The following TLR7 variants were observed in gnomAD, a reference collection of about 807,000 sequenced individuals.
TLR7 encodes the protein toll like receptor 7.
A neutral mutation model predicts 38.3 loss-of-function variants in TLR7; 12 were observed. The ratio of observed to expected loss-of-function variants is 0.31; its 90% confidence interval spans 0.20 to 0.51. The LOEUF (loss-of-function observed/expected upper bound fraction) is 0.51. TLR7 is among the 20% of genes least tolerant of loss of function. The pLI is 0.98. For missense variants in TLR7, 504 were observed against 743.4 expected (o/e 0.68, Z 3.74); for synonymous variants, 285 against 293.8 (o/e 0.97, Z 0.31).
rs781486181 is a variant in TLR7, at chrX:12,885,527, A to C, written c.19A>C (p.Thr7Pro). MVFPMW[T>P]LKRQILILFN... is the part of the protein sequence containing the mutation. ...ATACTTTCAGGTGTTTCCAATGTGG[A>C]CACTGAAGAGACAAATTCTTATCCT... The change falls in exon 3 of 3, where the codon ACA becomes CCA. Residue 7 changes from threonine (T) to proline (P), a missense_variant. Transcript: ENST00000380659. 1.3e-5 allele frequency: 16 copies of C among 1,199,690 alleles called. No homozygotes were observed. The highest frequency in any genetic ancestry group is 1.8e-5 in the Non-Finnish European group (16 of 886,183).
rs200048239 is a variant in TLR7, at chrX:12,885,949, G to T, written c.441G>T (p.Pro147=). Residue 147 remains proline, a synonymous_variant, in exon 3 of 3, where the codon CCG becomes CCT. Coordinates refer to ENST00000380659, the MANE Select transcript of TLR7 (RefSeq NM_016562.4). ...TACTAGAGATACCGCAGGGCCTCCCGCCTAGCTTACAGCTTCTCAGCCTTG... is the reference window on the plus strand; with the variant it reads ...TACTAGAGATACCGCAGGGCCTCCCTCCTAGCTTACAGCTTCTCAGCCTTG... ...NQLLEIPQGL[P]PSLQLLSLEA... 16 of 1,210,226 alleles carry T rather than the reference G, an allele frequency of 1.3e-5. No homozygotes were observed. In the African/African-American group the frequency reaches 2.3e-4, roughly 17 times the overall value.
At chrX:12,883,211 C>G (rs1431327846) in intron 2 of TLR7, among the ~76,000 whole-genome samples, 1 of 112,362 alleles carries the variant, frequency 8.9e-6, no homozygotes, top group Non-Finnish European at 1.9e-5. Flanking sequence ...AAGACTGGTG[C>G]TCTAGAAAGA....
At chrX:12,871,813 A>G (rs923165442) in intron 2 of TLR7, among the ~76,000 whole-genome samples, 1 of 111,437 alleles carries the variant, frequency 9.0e-6, no homozygotes, top group Non-Finnish European at 1.9e-5. Context: ...TAGAGTCAGG[A>G]GAGCAGGAAA....
chrX:12,888,962 A>T lies in TLR7; in HGVS notation c.*304A>T, dbSNP rs2147246504. Reference sequence around the variant, plus strand: ...TGATTCTCCTGTAATTGTGATAATTAAATATACACACAATCATGACATTGA... The same window carrying T: ...TGATTCTCCTGTAATTGTGATAATTTAATATACACACAATCATGACATTGA... On this transcript the variant is annotated 3_prime_UTR_variant, in exon 3 of 3. Coordinates refer to ENST00000380659, the MANE Select transcript of TLR7 (RefSeq NM_016562.4). The T allele has an allele frequency of 4.3e-6, 1 of 232,220 alleles. No individual in the cohort carries two copies. Among genetic ancestry groups the T allele is most frequent in the African/African-American group, 2.9e-5 (1 of 34,871 alleles). 19.1% of individuals were successfully genotyped at this position (232,220 alleles called of 1,213,427 possible).
Position 12,885,643 on chromosome X carries a change from C to T in TLR7, c.135C>T (p.Asn45=). ...PCDVTLDVPK[N]HVIVDCTDKH... Reference sequence around the variant, plus strand: ...ATGTCACTCTGGATGTTCCAAAGAACCATGTGATCGTGGACTGCACAGACA... The same window carrying T: ...ATGTCACTCTGGATGTTCCAAAGAATCATGTGATCGTGGACTGCACAGACA... The change falls in exon 3 of 3, where the codon AAC becomes AAT. Residue 45 remains asparagine (N), a synonymous_variant. Transcript: ENST00000380659. 2.5e-6 allele frequency: 3 copies of T among 1,211,943 alleles called. No homozygotes were observed. Among genetic ancestry groups the T allele is most frequent in the Non-Finnish European group, 3.3e-6 (3 of 895,592 alleles).
In TLR7 at chrX:12,886,660, G is replaced by C; in HGVS notation, c.1152G>C (p.Glu384Asp). The change falls in exon 3 of 3, where the codon GAG becomes GAC. Residue 384 changes from glutamate (E) to aspartate (D), a missense_variant. Physicochemically the swap from Glu to Asp is conservative, Grantham distance 45. Coordinates refer to ENST00000380659, the MANE Select transcript of TLR7 (RefSeq NM_016562.4). ...ILRIRGYVFKELKSFNLSPLH... is the reference protein window; with the variant it reads ...ILRIRGYVFKDLKSFNLSPLH... ...GGATCAGAGGATATGTCTTTAAAGA[G>C]TTGAAAAGCTTTAACCTCTCGCCAT... 8.3e-7 allele frequency: 1 copy of C among 1,211,499 alleles called. No homozygotes were observed. The highest frequency in any genetic ancestry group is 1.1e-6 in the Non-Finnish European group (1 of 895,104).
At chrX:12,871,650 C>G (rs1364642773) in intron 2 of TLR7, among the ~76,000 whole-genome samples, 3 of 111,680 alleles carry the variant, frequency 2.7e-5, no homozygotes, top group Non-Finnish European at 5.6e-5. Flanking sequence ...CTTTTAAACT[C>G]AGGCAACTTG....
chrX:12,868,592 C>A (rs1327455779), intron 2 of TLR7, among the ~76,000 whole-genome samples: 1 of 111,736 alleles, frequency 8.9e-6, no homozygotes, highest in Non-Finnish European at 1.9e-5. Context: ...CTGTTGCCTT[C>A]CAGGGCCACT....
intron 2 of TLR7, among the ~76,000 whole-genome samples, chrX:12,884,144 A>G (rs1347201841): frequency 9.0e-6 from 1 of 110,617 alleles, no homozygotes; most frequent in Non-Finnish European, 1.9e-5. Context: ...ATGCCCAGCT[A>G]ATTTTTTATT....
chrX:12,878,167 T>C (rs1416127282), intron 2 of TLR7, among the ~76,000 whole-genome samples: 1 of 112,010 alleles, frequency 8.9e-6, no homozygotes, highest in East Asian at 2.8e-4. Flanking sequence ...TCATTGTAAA[T>C]GAGCATATCT....
At chrX:12,867,857 T>C (rs769058647) in intron 2 of TLR7, among the ~76,000 whole-genome samples, 1 of 112,697 alleles carries the variant, frequency 8.9e-6, no homozygotes, top group African/African-American at 3.2e-5. Context: ...TCTATGTATC[T>C]CATTTCTTCA....
chrX:12,867,694 G>A, intron 2 of TLR7, 113 bp downstream of exon 2: 1 of 734,209 alleles, frequency 1.4e-6, no homozygotes, highest in Non-Finnish European at 2.1e-6. Flanking sequence ...TATTTGCTGG[G>A]GGAAAGTGCT....
intron 2 of TLR7, among the ~76,000 whole-genome samples, chrX:12,868,233 G>A (rs1317298123): frequency 8.9e-6 from 1 of 111,909 alleles, no homozygotes; most frequent in Non-Finnish European, 1.9e-5. Context: ...TGGCTAAACC[G>A]ACCTGACAGG....
At chrX:12,876,086 G>A (rs2042869465) in intron 2 of TLR7, among the ~76,000 whole-genome samples, 1 of 109,560 alleles carries the variant, frequency 9.1e-6, no homozygotes, top group East Asian at 2.9e-4. Context: ...AGCCTCCTGA[G>A]TAGCTGGGAT....
chrX:12,868,502 TG>T (rs1194998706), intron 2 of TLR7, among the ~76,000 whole-genome samples: 2 of 111,520 alleles, frequency 1.8e-5, no homozygotes, highest in African/African-American at 3.3e-5. Flanking sequence ...AGTCACTAGT[TG>T]GGGGGGCCTT....
At chrX:12,881,446 AAATG>A (rs2042891255) in intron 2 of TLR7, among the ~76,000 whole-genome samples, 1 of 106,058 alleles carries the variant, frequency 9.4e-6, no homozygotes, top group African/African-American at 3.6e-5. Context: ...TCTTTTTAAT[AAATG>A]AGTTATTCTT....
chrX:12,886,182 C>T lies in TLR7; in HGVS notation c.674C>T (p.Ser225Phe), dbSNP rs1327532271. The T allele has an allele frequency of 1.2e-5, 14 of 1,209,684 alleles. No individual in the cohort carries two copies. Among genetic ancestry groups the T allele is most frequent in the Admixed American group, 6.6e-5 (3 of 45,768 alleles). ...ACAGCCGTCCCTACTGTTTTGCCAT[C>T]TACTTTAACAGAACTATATCTCTAC... ...NVTAVPTVLP[S>F]TLTELYLYNN... Residue 225 changes from serine (S) to phenylalanine (F), a missense_variant, in exon 3 of 3, where the codon TCT (serine) becomes TTT (phenylalanine). Ser to Phe is a radical substitution (Grantham distance 155). Transcript: ENST00000380659.
rs2042916604 is a variant in TLR7 at position 12,887,824 on chromosome X, C to T, written c.2316C>T (p.Leu772=). 1 of 1,210,589 alleles carries T rather than the reference C, an allele frequency of 8.3e-7. No homozygotes were observed. The highest frequency in any genetic ancestry group is 1.1e-6 in the Non-Finnish European group (1 of 895,373). ...AGACCAGCTTCCCAGAAAATGTCCT[C>T]AACAATCTGAAGATGTTGCTTTTGC... is the stretch of plus-strand genomic sequence containing the variant. ...IQKTSFPENV[L]NNLKMLLLHH... is the part of the protein sequence containing the mutation. The change falls in exon 3 of 3, where the codon CTC becomes CTT. Residue 772 remains leucine (L), a synonymous_variant. Coordinates refer to ENST00000380659, the MANE Select transcript of TLR7 (RefSeq NM_016562.4).
At chrX:12,872,555 C>CAGGG (rs60835063) in intron 2 of TLR7, among the ~76,000 whole-genome samples, 7,570 of 109,293 alleles carry the variant, frequency 0.069, 195 homozygotes, top group South Asian at 0.1. Context: ...GAGGGAGAAA[C>CAGGG]AGGGAGAGAG....
Sources: allele counts gnomAD v4.1 joint callset (sites outside exome capture counted in the v4.1 genomes callset), GRCh38; gene constraint gnomAD v4.1.1; transcripts MANE v1.5; gene names NCBI Gene and HGNC (gene_info 2026-07-23, HGNC 2026-07-21).